Variants in SPATS2 observed in about 807,000 individuals in gnomAD.
The protein encoded by SPATS2 is spermatogenesis associated serine rich 2, also known as spermatogenesis-associated serine-rich protein 2.
A neutral mutation model predicts 63.7 loss-of-function variants in SPATS2; 38 were observed. The ratio of observed to expected loss-of-function variants is 0.60; its 90% CI spans 0.46 to 0.78. The LOEUF (loss-of-function observed/expected upper bound fraction) is 0.78, where lower values mean the gene tolerates loss of function less well. SPATS2 is among the 30% of genes least tolerant of loss of function. The pLI, the probability that SPATS2 is intolerant of heterozygous loss-of-function variation, is 0.00. For missense variants in SPATS2, 588 were observed against 666.2 expected (o/e 0.88, Z 1.29); for synonymous variants, 207 against 232.9 (o/e 0.89, Z 1.01).
intron 12 of SPATS2, 150 bp downstream of exon 12, chr12:49,523,003 G>GAA: frequency 6.4e-6 from 4 of 622,330 alleles, no homozygotes; most frequent in Non-Finnish European, 2.7e-6. Context: ...GAAGTCCATG[G>GAA]GTGCAGATAC....
chr12:49,402,493 AATT>A (rs1225585638), intron 2 of SPATS2, among the ~76,000 whole-genome samples: 1 of 152,124 alleles, frequency 6.6e-6, no homozygotes, highest in East Asian at 1.9e-4. Context: ...GGGGGACTAT[AATT>A]ATTGTAACGA....
chr12:49,385,821 T>C (rs570209408), intron 2 of SPATS2, among the ~76,000 whole-genome samples: 1 of 147,946 alleles, frequency 6.8e-6, no homozygotes, highest in South Asian at 2.1e-4. Context: ...GTTACAATTT[T>C]GTGGGGTTTT....
At chr12:49,483,508 C>T (rs976776563) in intron 3 of SPATS2, among the ~76,000 whole-genome samples, 16 of 152,096 alleles carry the variant, frequency 1.1e-4, no homozygotes, top group African/African-American at 2.7e-4. Flanking sequence ...AAGTGTTACC[C>T]GATTTTTCAT....
intron 2 of SPATS2, among the ~76,000 whole-genome samples, chr12:49,427,751 A>G (rs1013461913): frequency 5.9e-5 from 9 of 152,104 alleles, no homozygotes; most frequent in African/African-American, 2.2e-4. Flanking sequence ...CAAGAAATTT[A>G]TTACCTAAAT....
chr12:49,404,958 C>A, intron 2 of SPATS2, among the ~76,000 whole-genome samples: 1 of 150,708 alleles, frequency 6.6e-6, no homozygotes. Flanking sequence ...CTGAAAAAAA[C>A]TTGTGTTGGA....
chr12:49,493,484 C>A (rs1946418085), intron 6 of SPATS2, among the ~76,000 whole-genome samples: 1 of 151,852 alleles, frequency 6.6e-6, no homozygotes, highest in South Asian at 2.1e-4. Flanking sequence ...TCACTGCACC[C>A]TCCACCTCCC....
At chr12:49,516,167 ATATATATATATATATATATATATATAT>A (rs1946843329) in intron 10 of SPATS2, among the ~76,000 whole-genome samples, 4 of 5,374 alleles carry the variant, frequency 7.4e-4, no homozygotes, top group Non-Finnish European at 1.2e-3. Flanking sequence ...AAAAAAAAAA[ATATATATATATATATATATATATATAT>A]ATATATATAT....
At chr12:49,462,501 C>CT (rs1945839650) in intron 3 of SPATS2, 1 of 697,684 alleles carries the variant, frequency 1.4e-6, no homozygotes, top group African/African-American at 1.7e-5. Flanking sequence ...CCTTTCCCCC[C>CT]GTGTGTGGGG....
chr12:49,389,534 A>G (rs1272496516), intron 2 of SPATS2: 3 of 949,730 alleles, frequency 3.2e-6, no homozygotes, highest in Non-Finnish European at 5.2e-6. Context: ...CACAATTGAG[A>G]AGGCACTTGC....
At chr12:49,523,419 C>T (rs572642005) in intron 12 of SPATS2, among the ~76,000 whole-genome samples, 5 of 152,018 alleles carry the variant, frequency 3.3e-5, no homozygotes, top group African/African-American at 1.2e-4. Context: ...TAGCTTGAGC[C>T]AGGAGTTTGA....
At chr12:49,416,146 CT>C (rs1452936816) in intron 2 of SPATS2, among the ~76,000 whole-genome samples, 3 of 151,638 alleles carry the variant, frequency 2.0e-5, no homozygotes, top group Non-Finnish European at 4.4e-5. Context: ...TCCGTTTTAT[CT>C]TTTATGGTTC....
intron 2 of SPATS2, among the ~76,000 whole-genome samples, chr12:49,410,669 T>G (rs558166261): frequency 6.6e-6 from 1 of 151,952 alleles, no homozygotes; most frequent in Admixed American, 6.6e-5. Context: ...GCAGACCATC[T>G]ATTCATTTAT....
At chr12:49,438,481 A>G (rs958636745) in intron 2 of SPATS2, among the ~76,000 whole-genome samples, 1 of 152,160 alleles carries the variant, frequency 6.6e-6, no homozygotes, top group African/African-American at 2.4e-5. Flanking sequence ...AGATGGGCAT[A>G]TATTTAAATT....
chr12:49,500,606 A>G (rs756291346), intron 9 of SPATS2, among the ~76,000 whole-genome samples: 50 of 152,044 alleles, frequency 3.3e-4, no homozygotes, highest in Non-Finnish European at 4.4e-4. Context: ...ACCCGTCTCT[A>G]CTAAAAATAC....
chr12:49,436,641 TG>T (rs1945301481), intron 2 of SPATS2, among the ~76,000 whole-genome samples: 1 of 120,268 alleles, frequency 8.3e-6, no homozygotes. Flanking sequence ...ACGGGGCGGC[TG>T]GCCGGGCAGA....
At chr12:49,398,135 CAAAAA>C (rs71080193) in intron 2 of SPATS2, among the ~76,000 whole-genome samples, 43 of 45,374 alleles carry the variant, frequency 9.5e-4, no homozygotes, top group African/African-American at 3.0e-3. Flanking sequence ...GACCCTGTCT[CAAAAA>C]AAAAAAAAAA....
At position 49,498,144 on chromosome 12, in the gene SPATS2, AAATATATATATATAT is replaced by A. The variant is rs1200842526; in HGVS notation, c.703+1137_703+1151del. Among the ~76,000 whole-genome samples, 672 of 112,094 alleles carry A rather than the reference AAATATATATATATAT, an allele frequency of 6.0e-3. 7 individuals carry two copies. The highest frequency in any genetic ancestry group is 0.022 in the African/African-American group (648 of 29,376). The allele number at this position is 112,094 out of a possible 152,430, so 73.5% of individuals were successfully genotyped here. The stretch of plus-strand genomic sequence containing the variant: ...TATCCAATCAAGCCAAAAAAAAAAA[AAATATATATATATAT>A]ATATATATATGCGCACAAGGCTTGA... On this transcript the variant is annotated intron_variant, in intron 8 of 13. Transcript: ENST00000552918.
chr12:49,402,432 A>G (rs1944621670), intron 2 of SPATS2, among the ~76,000 whole-genome samples: 2 of 152,302 alleles, frequency 1.3e-5, no homozygotes, highest in Non-Finnish European at 2.9e-5. Flanking sequence ...CAATCTGAAA[A>G]GATACAGAAT....
chr12:49,382,865 C>T (rs988519545), intron 2 of SPATS2, among the ~76,000 whole-genome samples: 30 of 150,386 alleles, frequency 2.0e-4, no homozygotes, highest in Admixed American at 6.6e-4. Flanking sequence ...CCACCATGCC[C>T]GGCTAATTTT....
Sources: allele counts gnomAD v4.1 joint callset (sites outside exome capture counted in the v4.1 genomes callset), GRCh38; gene constraint gnomAD v4.1.1; transcripts MANE v1.5; gene names NCBI Gene and HGNC (gene_info 2026-07-23, HGNC 2026-07-21).